Variants in USP32 observed in about 807,000 individuals in gnomAD.
USP32 encodes the protein ubiquitin specific peptidase 32.
Under a neutral mutation model 204.8 loss-of-function variants are expected in USP32, and 59 were observed. That is an observed-to-expected ratio of 0.29 (90% CI 0.23 to 0.36). USP32 has a LOEUF of 0.36. Ranked by LOEUF, USP32 falls within the 10% of genes least tolerant of loss-of-function variation. USP32 has a pLI of 1.00. For missense variants in USP32, 1,160 were observed against 1,946.4 expected (o/e 0.60, Z 7.60); for synonymous variants, 517 against 678.4 (o/e 0.76, Z 3.70).
chr17:60,365,733 A>G (rs2146070269), intron 1 of USP32, among the ~76,000 whole-genome samples: 1 of 152,248 alleles, frequency 6.6e-6, no homozygotes, highest in East Asian at 1.9e-4. Flanking sequence ...AGAATGCATT[A>G]AGATAAACCA....
At chr17:60,302,113 G>GTTTATTTA (rs141481291) in intron 2 of USP32, among the ~76,000 whole-genome samples, 83 of 141,636 alleles carry the variant, frequency 5.9e-4, no homozygotes, top group African/African-American at 1.9e-3. Context: ...TATTTTGTTT[G>GTTTATTTA]TTTATTTATT....
intron 1 of USP32, among the ~76,000 whole-genome samples, chr17:60,385,916 G>A (rs2089723618): frequency 6.6e-6 from 1 of 151,332 alleles, no homozygotes; most frequent in South Asian, 2.1e-4. Flanking sequence ...CCCTAATAAA[G>A]AGGGGTGTTA....
chr17:60,400,620 C>A (rs914986313), intron 1 of USP32, among the ~76,000 whole-genome samples: 4 of 152,084 alleles, frequency 2.6e-5, no homozygotes, highest in African/African-American at 4.8e-5. Flanking sequence ...TATTAGACAT[C>A]CAAGTGGATA....
intron 4 of USP32, among the ~76,000 whole-genome samples, 177 bp downstream of exon 4, chr17:60,294,506 A>T (rs1378721793): frequency 2.0e-5 from 3 of 152,280 alleles, no homozygotes; most frequent in Non-Finnish European, 4.4e-5. Context: ...TCAGATTTAC[A>T]AATGTAACAG....
rs1274244008 is a variant in USP32 at position 60,317,305 on chromosome 17, G to A, written c.187-15601C>T. Among the ~76,000 whole-genome samples, 3 of 151,874 alleles carry A rather than the reference G, an allele frequency of 2.0e-5. No individual in the cohort carries two copies. The South Asian group carries it at 6.2e-4, about 32-fold the overall frequency. On this transcript the variant is annotated intron_variant, in intron 2 of 33. Transcript: ENST00000300896. The stretch of plus-strand genomic sequence containing the variant: ...AAGGCACAAGGATCACTTGAGCCCA[G>A]GAGTTTGAGACCAGCCTGGGCAACA...
At chr17:60,358,513 G>A (rs1041787898) in intron 1 of USP32, among the ~76,000 whole-genome samples, 9 of 152,158 alleles carry the variant, frequency 5.9e-5, no homozygotes, top group African/African-American at 1.4e-4. Flanking sequence ...GGTAGAGGCT[G>A]CAGTGAGCCG....
intron 29 of USP32, among the ~76,000 whole-genome samples, chr17:60,189,212 A>G (rs1433672269): frequency 2.0e-5 from 3 of 152,202 alleles, no homozygotes; most frequent in Non-Finnish European, 4.4e-5. Context: ...TAGCCTAGTG[A>G]TCTTTCATTT....
In USP32 at chr17:60,366,145, G is replaced by GT. The variant is rs557665049; in HGVS notation, c.59-20538dup. 2.0e-5 allele frequency among the ~76,000 whole-genome samples: 3 copies of GT among 150,288 alleles called. No homozygotes were observed. The East Asian group carries it at 5.9e-4, about 29-fold the overall frequency. ...GGCATGTGACACCACGCCGGGCTAA[G>GT]TTTTTTTTCTTTTTTCTTTTTTCTT... On this transcript the variant is annotated intron_variant, in intron 1 of 33. Transcript: ENST00000300896.
intron 5 of USP32, among the ~76,000 whole-genome samples, chr17:60,274,697 T>A (rs986357793): frequency 4.7e-5 from 7 of 148,120 alleles, no homozygotes; most frequent in Non-Finnish European, 1.1e-4. Flanking sequence ...AAAGTACAGA[T>A]TTTTTTTTTT....
intron 1 of USP32, among the ~76,000 whole-genome samples, chr17:60,400,791 C>CG (rs1567896841): frequency 6.6e-6 from 1 of 151,986 alleles, no homozygotes; most frequent in Non-Finnish European, 1.5e-5. Flanking sequence ...GATGCTGAGT[C>CG]GGGGGGATCA....
intron 2 of USP32, among the ~76,000 whole-genome samples, chr17:60,323,828 T>C (rs1050895537): frequency 3.3e-5 from 5 of 152,354 alleles, no homozygotes; most frequent in South Asian, 4.1e-4. Flanking sequence ...AAGTATTATA[T>C]GCTTTACTGT....
At chr17:60,198,982 G>A (rs1348019028) in intron 26 of USP32, among the ~76,000 whole-genome samples, 1 of 152,126 alleles carries the variant, frequency 6.6e-6, no homozygotes, top group Non-Finnish European at 1.5e-5. Context: ...TGGGCATGGT[G>A]GCATGTGTCT....
chr17:60,244,615 A>G (rs770036006), intron 11 of USP32, among the ~76,000 whole-genome samples: 1 of 152,116 alleles, frequency 6.6e-6, no homozygotes, highest in Admixed American at 6.5e-5. Context: ...ATCTTAACAT[A>G]GTCTACTTTA....
At chr17:60,344,007 C>G (rs1046456977) in intron 2 of USP32, among the ~76,000 whole-genome samples, 19 of 151,916 alleles carry the variant, frequency 1.3e-4, no homozygotes, top group Non-Finnish European at 2.4e-4. Context: ...GCACTCCAGC[C>G]TGGGCAACAA....
In USP32 at chr17:60,223,515, T is replaced by C; in HGVS notation, c.1504A>G (p.Asn502Asp). The change falls in exon 14 of 34, where the codon AAC (asparagine) becomes GAC (aspartate). Residue 502 changes from asparagine to aspartate, a missense_variant. Physicochemically the swap from Asn to Asp is conservative, Grantham distance 23. Coordinates refer to ENST00000300896, the MANE Select transcript of USP32 (RefSeq NM_032582.4). ...CCATTGGCTCCCAGCAAACACTGGT[T>C]GTTATTGTCAGAAGTGTTATGTTGT... ...ARQHNTSDNNNQCLLGANGNI... is the reference protein window; with the variant it reads ...ARQHNTSDNNDQCLLGANGNI... The C allele has an allele frequency of 1.9e-6, 3 of 1,613,980 alleles. No homozygotes were observed. The highest frequency in any genetic ancestry group is 2.5e-6 in the Non-Finnish European group (3 of 1,179,970).
intron 17 of USP32, 23 bp downstream of exon 17, chr17:60,214,597 T>A (rs1392578228): frequency 3.8e-6 from 6 of 1,590,764 alleles, no homozygotes; most frequent in Non-Finnish European, 4.3e-6. Context: ...TCAGACTCTC[T>A]ATGACTCTGA....
At chr17:60,397,160 T>G (rs940074793) in intron 1 of USP32, among the ~76,000 whole-genome samples, 6 of 152,214 alleles carry the variant, frequency 3.9e-5, no homozygotes, top group Admixed American at 2.0e-4. Context: ...CATAGAATAA[T>G]ATGGACTCCA....
upstream of USP32, chr17:60,392,173 C>T: frequency 3.6e-6 from 2 of 548,762 alleles, no homozygotes; most frequent in East Asian, 3.3e-5. Context: ...CCTCCTACTC[C>T]GCCCTTCTCT....
intron 2 of USP32, among the ~76,000 whole-genome samples, chr17:60,332,591 TG>T (rs1250238991): frequency 1.3e-5 from 2 of 152,048 alleles, no homozygotes; most frequent in Non-Finnish European, 2.9e-5. Flanking sequence ...GAGACTGCAG[TG>T]AGCCAAGATC....
Sources: allele counts gnomAD v4.1 joint callset (sites outside exome capture counted in the v4.1 genomes callset), GRCh38; gene constraint gnomAD v4.1.1; transcripts MANE v1.5; gene names NCBI Gene and HGNC (gene_info 2026-07-23, HGNC 2026-07-21).